The following PPP2R5A variants were observed in gnomAD, a reference collection of about 807,000 sequenced individuals.
The protein encoded by PPP2R5A is protein phosphatase 2 regulatory subunit B'alpha, also known as serine/threonine-protein phosphatase 2A 56 kDa regulatory subunit alpha isoform.
PPP2R5A carries 25 observed loss-of-function variants against 64.2 expected under a neutral mutation model. The ratio of observed to expected loss-of-function variants is 0.39; its 90% CI spans 0.28 to 0.54. The LOEUF (loss-of-function observed/expected upper bound fraction) is 0.54, where lower values mean the gene tolerates loss of function less well. Ranked by LOEUF, PPP2R5A falls within the 20% of genes least tolerant of loss-of-function variation. The pLI is 0.67. For synonymous variants in PPP2R5A, 198 were observed against 201.2 expected, an observed-to-expected ratio of 0.98 and a Z score of 0.13; for missense variants, 425 against 576.3, an observed-to-expected ratio of 0.74 and a Z score of 2.69.
chr1:212,288,318 A>AT (rs1473603211), intron 1 of PPP2R5A, among the ~76,000 whole-genome samples: 1 of 152,156 alleles, frequency 6.6e-6, no homozygotes, highest in Non-Finnish European at 1.5e-5. Flanking sequence ...ACCTGGCCAC[A>AT]TTTTGCTTTT....
intron 1 of PPP2R5A, among the ~76,000 whole-genome samples, chr1:212,294,967 A>G (rs1571573211): frequency 6.6e-6 from 1 of 152,318 alleles, no homozygotes; most frequent in East Asian, 1.9e-4. Flanking sequence ...TGAGCATAGC[A>G]TATTTTGGGA....
chr1:212,323,177 A>G (rs1221549949), intron 1 of PPP2R5A, among the ~76,000 whole-genome samples: 1 of 152,214 alleles, frequency 6.6e-6, no homozygotes, highest in Non-Finnish European at 1.5e-5. Context: ...AATAGTCAGT[A>G]TATATGTGGT....
intron 3 of PPP2R5A, among the ~76,000 whole-genome samples, chr1:212,334,992 T>A (rs957729101): frequency 6.6e-6 from 1 of 152,172 alleles, no homozygotes; most frequent in African/African-American, 2.4e-5. Flanking sequence ...GCCCTTTTTC[T>A]CTCATCTTCT....
chr1:212,328,038 C>T (rs576991786), intron 1 of PPP2R5A, among the ~76,000 whole-genome samples: 23 of 152,250 alleles, frequency 1.5e-4, no homozygotes, highest in Non-Finnish European at 3.4e-4. Flanking sequence ...TGGTCTCGAA[C>T]TCATGACCTC....
At chr1:212,343,543 T>C (rs905103164) in intron 4 of PPP2R5A, among the ~76,000 whole-genome samples, 3 of 152,196 alleles carry the variant, frequency 2.0e-5, no homozygotes, top group African/African-American at 7.2e-5. Flanking sequence ...CTGTGAAGGA[T>C]TGATAAATGA....
At chr1:212,313,728 A>T (rs1463047285) in intron 1 of PPP2R5A, 2 of 151,700 alleles carry the variant, frequency 1.3e-5, no homozygotes, top group African/African-American at 2.4e-5. Flanking sequence ...GTATGTGTAC[A>T]CTGGCATGTT....
intron 1 of PPP2R5A, among the ~76,000 whole-genome samples, chr1:212,312,041 T>C (rs530264831): frequency 6.6e-6 from 1 of 152,334 alleles, no homozygotes; most frequent in East Asian, 1.9e-4. Flanking sequence ...CCAGAGCAAC[T>C]TCCAGTCTTG....
chr1:212,287,538 C>T (rs905771344), intron 1 of PPP2R5A, among the ~76,000 whole-genome samples: 1 of 152,176 alleles, frequency 6.6e-6, no homozygotes, highest in Non-Finnish European at 1.5e-5. Flanking sequence ...TCTTGGAGTG[C>T]TTCTAAATCA....
chr1:212,317,311 T>G (rs1042965863), intron 1 of PPP2R5A, among the ~76,000 whole-genome samples: 1 of 147,280 alleles, frequency 6.8e-6, no homozygotes, highest in African/African-American at 2.5e-5. Flanking sequence ...TTAACTGATA[T>G]GTACTGTGAA....
At chr1:212,354,009 C>T (rs1005145027) in intron 8 of PPP2R5A, among the ~76,000 whole-genome samples, 1 of 151,888 alleles carries the variant, frequency 6.6e-6, no homozygotes, top group Non-Finnish European at 1.5e-5. Context: ...ACAGTGAAAC[C>T]CCGTCTCTAC....
intron 8 of PPP2R5A, among the ~76,000 whole-genome samples, chr1:212,356,355 G>A (rs1450834528): frequency 6.6e-6 from 1 of 152,098 alleles, no homozygotes; most frequent in African/African-American, 2.4e-5. Flanking sequence ...CCATTAGAAC[G>A]TAAGCTCTGT....
At chr1:212,354,022 A>G (rs1659933039) in intron 8 of PPP2R5A, among the ~76,000 whole-genome samples, 1 of 152,046 alleles carries the variant, frequency 6.6e-6, no homozygotes, top group African/African-American at 2.4e-5. Context: ...GTCTCTACTA[A>G]AAATACAAAA....
chr1:212,330,464 G>A (rs370422596), intron 2 of PPP2R5A, among the ~76,000 whole-genome samples: 1 of 151,622 alleles, frequency 6.6e-6, no homozygotes, highest in South Asian at 2.1e-4. Context: ...TGAGAGGATC[G>A]CTTGAGCCCA....
In PPP2R5A at chr1:212,310,693, T is replaced by C. The variant is rs1032900240; in HGVS notation, c.182-18442T>C. ...ACTTTATAGGCCAGAACAAAGGTGA[T>C]TGAGGCCCCAGTTATTTTTTTAGCA... On this transcript the variant is annotated intron_variant, in intron 1 of 12. Transcript: ENST00000261461. Among the ~76,000 whole-genome samples, 5 of 152,210 alleles carry C rather than the reference T, an allele frequency of 3.3e-5. No homozygotes were observed. The South Asian group carries it at 1.0e-3, about 32-fold the overall frequency.
intron 12 of PPP2R5A, among the ~76,000 whole-genome samples, chr1:212,359,009 C>CATTT (rs1417431316): frequency 9.2e-5 from 14 of 152,188 alleles, no homozygotes; most frequent in African/African-American, 3.1e-4. Flanking sequence ...AAAGCAGTAG[C>CATTT]ATTTATTTTT....
At chr1:212,316,065 C>T (rs868812286) in intron 1 of PPP2R5A, among the ~76,000 whole-genome samples, 2 of 152,276 alleles carry the variant, frequency 1.3e-5, no homozygotes, top group Non-Finnish European at 2.9e-5. Context: ...CCTCCCTATT[C>T]CCTGAGACAC....
intron 8 of PPP2R5A, 74 bp from the exon 9 acceptor site, chr1:212,356,552 C>A: frequency 1.4e-6 from 2 of 1,384,004 alleles, no homozygotes; most frequent in East Asian, 2.3e-5. Flanking sequence ...TTGATATAAT[C>A]ACAGCTATGG....
At chr1:212,337,783 G>C (rs907204931) in intron 3 of PPP2R5A, among the ~76,000 whole-genome samples, 13 of 152,104 alleles carry the variant, frequency 8.5e-5, no homozygotes, top group African/African-American at 2.9e-4. Context: ...TGCACAATCT[G>C]TGTTTTCACA....
At chr1:212,315,984 C>T (rs903702709) in intron 1 of PPP2R5A, among the ~76,000 whole-genome samples, 29 of 152,256 alleles carry the variant, frequency 1.9e-4, no homozygotes, top group African/African-American at 6.3e-4. Flanking sequence ...CACACTTAAT[C>T]AGTAGGTGTT....
Sources: gnomAD v4.1 joint callset for allele counts (sites outside exome capture counted in the v4.1 genomes callset) on GRCh38, gnomAD v4.1.1 for gene constraint, MANE v1.5 for transcripts, NCBI Gene and HGNC (gene_info 2026-07-23, HGNC 2026-07-21) for gene names.